Variants in PPARA observed in about 807,000 individuals in gnomAD.
PPARA encodes the protein peroxisome proliferator-activated receptor alpha.
Under a neutral mutation model 42.2 loss-of-function variants are expected in PPARA, and 22 were observed. That is an observed-to-expected ratio of 0.52 (90% confidence interval 0.37 to 0.74). The LOEUF (loss-of-function observed/expected upper bound fraction) is 0.74, where lower values mean the gene tolerates loss of function less well. Among genes scored for constraint, PPARA ranks in the 30% least tolerant of loss-of-function variants. The pLI is 0.00. For synonymous variants in PPARA, 242 were observed against 239.3 expected, an observed-to-expected ratio of 1.01 and a Z score of -0.10; for missense variants, 465 against 608.2, an observed-to-expected ratio of 0.76 and a Z score of 2.48.
intron 2 of PPARA, among the ~76,000 whole-genome samples, chr22:46,169,982 A>T (rs1174644785): frequency 6.6e-6 from 1 of 151,702 alleles, no homozygotes; most frequent in Non-Finnish European, 1.5e-5. Context: ...TGTTCAATGC[A>T]CTCCCTCCCA....
In PPARA at chr22:46,156,747, A is replaced by G. The variant is rs546551052; in HGVS notation, c.-127+4777A>G. On this transcript the variant is annotated intron_variant, in intron 2 of 8. Coordinates refer to ENST00000407236, the MANE Select transcript of PPARA (RefSeq NM_005036.6). This position sits in a 1 kb window ranked among gnomAD's most constrained non-coding sequence, Gnocchi z 5.2. Reference sequence around the variant, plus strand: ...CTCCTAAGTAGCTGGGACTACAGGCACCCGCCACCACGCCCAGCTAATTTT... The same window carrying G: ...CTCCTAAGTAGCTGGGACTACAGGCGCCCGCCACCACGCCCAGCTAATTTT... Among the ~76,000 whole-genome samples, 1 of 152,080 alleles carries G rather than the reference A, an allele frequency of 6.6e-6. No individual in the cohort carries two copies. Among genetic ancestry groups the G allele is most frequent in the Admixed American group, 6.5e-5 (1 of 15,282 alleles).
chr22:46,179,688 A>G (rs1163835800), intron 3 of PPARA, among the ~76,000 whole-genome samples: 1 of 152,248 alleles, frequency 6.6e-6, no homozygotes, highest in Admixed American at 6.5e-5. Context: ...CGAGAACACA[A>G]TCTATGAAAG....
At chr22:46,164,476 C>T (rs1224323431) in intron 2 of PPARA, 1 of 152,244 alleles carries the variant, frequency 6.6e-6, no homozygotes, top group African/African-American at 2.4e-5. Flanking sequence ...TGGTCTTGAA[C>T]TCCTGACCTC....
rs186561227 is a variant in PPARA at position 46,197,065 on chromosome 22, T to G, written c.-42-1277T>G. The stretch of plus-strand genomic sequence containing the variant: ...GGTTTTGGTTTGGTTTTGGTTTTTT[T>G]TTGAGACACGGTCTCACTCTGTCGC... On this transcript the variant is annotated intron_variant, in intron 3 of 8. Coordinates refer to ENST00000407236, the MANE Select transcript of PPARA (RefSeq NM_005036.6). Among the ~76,000 whole-genome samples the G allele has an allele frequency of 3.2e-3, 481 of 151,530 alleles. 5 individuals carry two copies. The highest frequency in any genetic ancestry group is 0.011 in the African/African-American group (471 of 41,192).
At chr22:46,217,819 CTTTTTTTTTT>C (rs60894989) in intron 5 of PPARA, among the ~76,000 whole-genome samples, 148 of 77,054 alleles carry the variant, frequency 1.9e-3, no homozygotes, top group Middle Eastern at 9.4e-3. Flanking sequence ...CTATTTCTTT[CTTTTTTTTTT>C]TTTTTTTTTT....
rs990327729 is a variant in PPARA at position 46,183,395 on chromosome 22, C to T, written c.-43+6559C>T. 6.6e-6 allele frequency among the ~76,000 whole-genome samples: 1 copy of T among 152,216 alleles called. No homozygotes were observed. The highest frequency in any genetic ancestry group is 2.4e-5 in the African/African-American group (1 of 41,456). ...GAGTAATATTCATCAAGAGGATCAT[C>T]TACTCAACACAGATAAACTGGGAAA... On this transcript the variant is annotated intron_variant, in intron 3 of 8. Coordinates refer to ENST00000407236, the MANE Select transcript of PPARA (RefSeq NM_005036.6). This position sits in a 1 kb window ranked among gnomAD's most constrained non-coding sequence, Gnocchi z 5.5.
chr22:46,222,869 T>A lies in PPARA; in HGVS notation c.711+2855T>A, dbSNP rs1443941367. Among the ~76,000 whole-genome samples the A allele has an allele frequency of 2.0e-5, 3 of 152,000 alleles. No homozygotes were observed. The highest frequency in any genetic ancestry group is 1.9e-4 in the East Asian group (1 of 5,178). Reference sequence around the variant, plus strand: ...CTCGTCTCTACAAAAAATGATTTTTTAAAAAACTAGCTGGGCATGGTGGCA... The same window carrying A: ...CTCGTCTCTACAAAAAATGATTTTTAAAAAAACTAGCTGGGCATGGTGGCA... On this transcript the variant is annotated intron_variant, in intron 7 of 8. Transcript: ENST00000407236. The surrounding 1 kb of genome is among the most constrained non-coding windows in gnomAD (Gnocchi z 5.9).
At chr22:46,176,691 C>T (rs373434876) in intron 2 of PPARA, 62 bp from the exon 3 acceptor site, 2 of 152,164 alleles carry the variant, frequency 1.3e-5, no homozygotes, top group East Asian at 3.8e-4. Flanking sequence ...TCCATTCAAG[C>T]TGCTATAACA....
intron 4 of PPARA, among the ~76,000 whole-genome samples, chr22:46,213,652 C>T (rs1318191171): frequency 1.3e-5 from 2 of 151,092 alleles, no homozygotes; most frequent in Non-Finnish European, 2.9e-5. Flanking sequence ...TGCATTGGTG[C>T]GATCTTGGCT....
Position 46,225,645 on chromosome 22 carries a change from A to C in PPARA, c.711+5631A>C, listed in dbSNP as rs1935362145. On this transcript the variant is annotated intron_variant, in intron 7 of 8. Transcript: ENST00000407236. This position sits in a 1 kb window ranked among gnomAD's most constrained non-coding sequence, Gnocchi z 4.1. ...TGTACACAAACACACCCACACATAC[A>C]CATGCACCCACACGTGTACACAGAT... 6.6e-6 allele frequency among the ~76,000 whole-genome samples: 1 copy of C among 151,720 alleles called. No homozygotes were observed. The highest frequency in any genetic ancestry group is 2.1e-4 in the South Asian group (1 of 4,802).
At chr22:46,198,901 T>C (rs1193615919) in intron 4 of PPARA, among the ~76,000 whole-genome samples, 1 of 152,124 alleles carries the variant, frequency 6.6e-6, no homozygotes, top group Non-Finnish European at 1.5e-5. Context: ...CCTCATGATC[T>C]GCCCGCCTCG....
At chr22:46,159,932 G>C (rs1925900429) in intron 2 of PPARA, among the ~76,000 whole-genome samples, 1 of 152,250 alleles carries the variant, frequency 6.6e-6, no homozygotes. Flanking sequence ...GAAGCCAAGA[G>C]AGAGGTTTCC....
In PPARA at chr22:46,234,662, C is replaced by G. The variant is rs1936102467; in HGVS notation, c.1160-471C>G. 1.3e-5 allele frequency among the ~76,000 whole-genome samples: 2 copies of G among 152,232 alleles called. No individual in the cohort carries two copies. Among genetic ancestry groups the G allele is most frequent in the South Asian group, 4.1e-4 (2 of 4,834 alleles). ...GGATTACAGGCGTGAGCCACCGTGC[C>G]TGGCCTACAAAACCTAGTTCTAACA... On this transcript the variant is annotated intron_variant, in intron 8 of 8. Transcript: ENST00000407236. The surrounding 1 kb of genome is among the most constrained non-coding windows in gnomAD (Gnocchi z 5.8).
Position 46,162,774 on chromosome 22 carries a change from C to T in PPARA, c.-127+10804C>T, listed in dbSNP as rs1027436004. 6.6e-6 allele frequency among the ~76,000 whole-genome samples: 1 copy of T among 152,192 alleles called. No individual in the cohort carries two copies. Among genetic ancestry groups the T allele is most frequent in the Non-Finnish European group, 1.5e-5 (1 of 68,046 alleles). On this transcript the variant is annotated intron_variant, in intron 2 of 8. Coordinates refer to ENST00000407236, the MANE Select transcript of PPARA (RefSeq NM_005036.6). This position sits in a 1 kb window ranked among gnomAD's most constrained non-coding sequence, Gnocchi z 6.0. Reference sequence around the variant, plus strand: ...TTTAAATGCCACCTCCTTCCTGAAGCCTTCCTTGCTGCTCCCCCAAACTAG... The same window carrying T: ...TTTAAATGCCACCTCCTTCCTGAAGTCTTCCTTGCTGCTCCCCCAAACTAG...
In PPARA at chr22:46,231,205, C is replaced by A. The variant is rs1935840570; in HGVS notation, c.712-587C>A. On this transcript the variant is annotated intron_variant, in intron 7 of 8. Transcript: ENST00000407236. This position sits in a 1 kb window ranked among gnomAD's most constrained non-coding sequence, Gnocchi z 7.7. ...CCGAGTAGCTGGGGTTACAGGCACA[C>A]ACTATGCCTGGCTAATTTTTTTTTT... Among the ~76,000 whole-genome samples the A allele has an allele frequency of 6.6e-6, 1 of 151,740 alleles. No homozygotes were observed. The highest frequency in any genetic ancestry group is 2.1e-4 in the South Asian group (1 of 4,814).
In PPARA at chr22:46,243,350, A is replaced by C. The variant is rs896634353; in HGVS notation, c.*7970A>C. 5 of 152,096 alleles carry C rather than the reference A, an allele frequency of 3.3e-5. No homozygotes were observed. Among genetic ancestry groups the C allele is most frequent in the African/African-American group, 9.7e-5 (4 of 41,402 alleles). 9.4% of individuals were successfully genotyped at this position (152,096 alleles called of 1,614,324 possible). On this transcript the variant is annotated 3_prime_UTR_variant, in exon 9 of 9. Coordinates refer to ENST00000407236, the MANE Select transcript of PPARA (RefSeq NM_005036.6). The surrounding 1 kb of genome is among the most constrained non-coding windows in gnomAD (Gnocchi z 5.0). ...AGTATTTTGGGGCTTACAGCTTCTT[A>C]TTTGTGCTAAAAAGGTGCAGTTCCA...
intron 4 of PPARA, among the ~76,000 whole-genome samples, chr22:46,199,176 G>A (rs973533201): frequency 6.6e-6 from 1 of 152,152 alleles, no homozygotes; most frequent in Admixed American, 6.6e-5. Context: ...CAGCAAGCCC[G>A]CGGGGGGCAG....
At position 46,224,220 on chromosome 22, in the gene PPARA, C is replaced by G. The variant is rs568648204; in HGVS notation, c.711+4206C>G. Among the ~76,000 whole-genome samples the G allele has an allele frequency of 1.3e-5, 2 of 152,236 alleles. No individual in the cohort carries two copies. Among genetic ancestry groups the G allele is most frequent in the Admixed American group, 1.3e-4 (2 of 15,286 alleles). On this transcript the variant is annotated intron_variant, in intron 7 of 8. Transcript: ENST00000407236. The surrounding 1 kb of genome is among the most constrained non-coding windows in gnomAD (Gnocchi z 5.7). ...GTCTGCGCACGGGACGCTGGAGGCACGGCCCCCTCCTCCCTGCCTAGCCTG... is the reference window on the plus strand; with the variant it reads ...GTCTGCGCACGGGACGCTGGAGGCAGGGCCCCCTCCTCCCTGCCTAGCCTG...
chr22:46,174,007 C>CCTGGCCAACATGGTAAAACCCCG (rs58905114), intron 2 of PPARA, among the ~76,000 whole-genome samples: 1 of 148,090 alleles, frequency 6.8e-6, no homozygotes, highest in African/African-American at 2.5e-5. Flanking sequence ...GATCGAGACC[C>CCTGGCCAACATGGTAAAACCCCG]TCTCTACTAA....
Sources: gnomAD v4.1 joint callset for allele counts (sites outside exome capture counted in the v4.1 genomes callset) on GRCh38, gnomAD v4.1.1 for gene constraint, Gnocchi (gnomAD v3.1) non-coding constraint, MANE v1.5 for transcripts, NCBI Gene and HGNC (gene_info 2026-07-23, HGNC 2026-07-21) for gene names.